Variants in HBS1L observed in about 807,000 individuals in gnomAD.
The protein encoded by HBS1L is HBS1-like protein.
In HBS1L, 55 loss-of-function variants were observed where a neutral mutation model predicts 88.9. The ratio of observed to expected loss-of-function variants is 0.62; its 90% CI spans 0.50 to 0.77. The LOEUF is 0.77. HBS1L is among the 30% of genes least tolerant of loss of function. HBS1L has a pLI of 0.00. For synonymous variants in HBS1L, 267 were observed against 288.5 expected (o/e 0.93, Z 0.76); for missense variants, 741 against 829.3 (o/e 0.89, Z 1.31).
chr6:135,053,688 C>T lies in HBS1L; in HGVS notation c.43+961G>A, dbSNP rs375130510. On this transcript the variant is annotated intron_variant, in intron 1 of 17. Transcript: ENST00000367837. ...CATACTGATGTTCTATAATAATCTA[C>T]TGGGGTGCCAATGACAATCACCAAC... Among the ~76,000 whole-genome samples, 13 of 152,362 alleles carry T rather than the reference C, an allele frequency of 8.5e-5. 1 individual carries two copies. The East Asian group carries it at 2.5e-3, about 29-fold the overall frequency.
Position 135,054,576 on chromosome 6 carries a change from A to T in HBS1L, c.43+73T>A, listed in dbSNP as rs549982733. ...ACACTGACGAGAAACTCACAGATTG[A>T]AGTGGATGCCAACGGGCTAGGATCC... On this transcript the variant is annotated intron_variant, in intron 1 of 17. Transcript: ENST00000367837. 2.6e-6 allele frequency: 4 copies of T among 1,544,232 alleles called. No individual in the cohort carries two copies. In the South Asian group the frequency reaches 4.5e-5, roughly 18 times the overall value.
At chr6:135,035,114 T>C (rs1776494979) in intron 4 of HBS1L, among the ~76,000 whole-genome samples, 1 of 152,184 alleles carries the variant, frequency 6.6e-6, no homozygotes. Flanking sequence ...GGCACACAAC[T>C]GTCAGTAGCA....
At chr6:134,973,700 C>T (rs1465265976) in intron 15 of HBS1L, among the ~76,000 whole-genome samples, 1 of 151,998 alleles carries the variant, frequency 6.6e-6, no homozygotes, top group Admixed American at 6.6e-5. Context: ...ACCTGTAGTC[C>T]CAGCTACTCG....
chr6:135,005,039 T>C (rs1168885799), intron 4 of HBS1L, among the ~76,000 whole-genome samples: 1 of 152,130 alleles, frequency 6.6e-6, no homozygotes, highest in African/African-American at 2.4e-5. Flanking sequence ...TGTTATGGAG[T>C]TGGCATTACC....
rs1180215865 is a variant in HBS1L, at chr6:134,963,960, T to C, written c.*1319A>G. ...TAATATTAATATTTAAATAAAACTTTCTTAACTCAGTGAATCTGAAGTGAC... is the reference window on the plus strand; with the variant it reads ...TAATATTAATATTTAAATAAAACTTCCTTAACTCAGTGAATCTGAAGTGAC... On this transcript the variant is annotated 3_prime_UTR_variant, in exon 18 of 18. Coordinates refer to ENST00000367837, the MANE Select transcript of HBS1L (RefSeq NM_006620.4). 6.6e-6 allele frequency: 1 copy of C among 152,222 alleles called. No homozygotes were observed. The highest frequency in any genetic ancestry group is 1.5e-5 in the Non-Finnish European group (1 of 68,044). The allele number at this position is 152,222 out of a possible 1,614,324, so 9.4% of individuals were successfully genotyped here. A position where few individuals can be genotyped will look rare whatever the true frequency, so the allele number is the denominator to read the frequency against.
chr6:134,991,827 T>G (rs1464090144), intron 8 of HBS1L, among the ~76,000 whole-genome samples: 1 of 152,192 alleles, frequency 6.6e-6, no homozygotes, highest in African/African-American at 2.4e-5. Flanking sequence ...CCCAACACTT[T>G]GGGAGGCTGA....
intron 17 of HBS1L, among the ~76,000 whole-genome samples, chr6:134,966,001 T>C (rs1774303129): frequency 1.3e-5 from 2 of 152,156 alleles, no homozygotes. Flanking sequence ...TTAATTATGA[T>C]AGTGTAGAAG....
At chr6:135,042,252 G>T (rs1301867302) in intron 2 of HBS1L, 126 bp from the exon 3 acceptor site, 2 of 762,064 alleles carry the variant, frequency 2.6e-6, no homozygotes, top group African/African-American at 3.5e-5. Context: ...TTTCATAAGG[G>T]ATGAAAACAA....
Position 135,039,570 on chromosome 6 carries a change from T to C in HBS1L, c.430+3A>G. ...AAGTGAAAAAGAACAAGTAAAGGCA[T>C]ACCTTTTGCTATCTTTCCTGTAGAT... On this transcript the variant is annotated splice_donor_region_variant and intron_variant, in intron 4 of 17. Transcript: ENST00000367837. 1.9e-6 allele frequency: 3 copies of C among 1,612,028 alleles called. No homozygotes were observed. Among genetic ancestry groups the C allele is most frequent in the Non-Finnish European group, 2.5e-6 (3 of 1,178,766 alleles).
At position 134,961,252 on chromosome 6, in the gene HBS1L, T is replaced by G. The variant is rs1207086354; in HGVS notation, c.*4027A>C. 1 of 152,174 alleles carries G rather than the reference T, an allele frequency of 6.6e-6. No homozygotes were observed. The highest frequency in any genetic ancestry group is 1.5e-5 in the Non-Finnish European group (1 of 68,022). The allele number at this position is 152,174 out of a possible 1,614,324, so 9.4% of individuals were successfully genotyped here. A position where few individuals can be genotyped will look rare whatever the true frequency, so the allele number is the denominator to read the frequency against. On this transcript the variant is annotated 3_prime_UTR_variant, in exon 18 of 18. Coordinates refer to ENST00000367837, the MANE Select transcript of HBS1L (RefSeq NM_006620.4). ...TAACTTAATGCTTTTCTTTCCCTAT[T>G]TCATATCCCCATATTTGGTGCAATA... is the stretch of plus-strand genomic sequence containing the variant.
At chr6:135,042,433 T>C (rs1776769035) in intron 2 of HBS1L, among the ~76,000 whole-genome samples, 2 of 152,150 alleles carry the variant, frequency 1.3e-5, no homozygotes, top group South Asian at 4.1e-4. Context: ...CTTCTTTGTA[T>C]ACTATTCTGT....
intron 4 of HBS1L, among the ~76,000 whole-genome samples, chr6:135,038,747 C>T (rs1284854145): frequency 6.6e-6 from 1 of 152,012 alleles, no homozygotes; most frequent in African/African-American, 2.4e-5. Flanking sequence ...AATTTAACCC[C>T]AAATTTTACA....
intron 4 of HBS1L, among the ~76,000 whole-genome samples, chr6:135,016,093 C>A (rs1355991709): frequency 2.0e-5 from 3 of 151,990 alleles, no homozygotes; most frequent in Admixed American, 2.0e-4. Flanking sequence ...ACCATGTTGG[C>A]CAGGCTGGTC....
At chr6:135,033,715 AT>A (rs1776452084) in intron 4 of HBS1L, among the ~76,000 whole-genome samples, 1 of 152,220 alleles carries the variant, frequency 6.6e-6, no homozygotes. Context: ...AAAGTATTGC[AT>A]TTCCACTTGA....
Position 135,002,847 on chromosome 6 carries a change from T to G in HBS1L, c.431-5A>C. 6.3e-7 allele frequency: 1 copy of G among 1,591,730 alleles called. No homozygotes were observed. Among genetic ancestry groups the G allele is most frequent in the Non-Finnish European group, 8.6e-7 (1 of 1,160,220 alleles). On this transcript the variant is annotated splice_polypyrimidine_tract_variant and splice_region_variant and intron_variant, in intron 4 of 17. Transcript: ENST00000367837. ...TCTGGGAATCTACTGGTTTTCCTAG[T>G]TAAGGAGTAAAATATAAAAGGCCAA...
chr6:135,051,408 C>A (rs1424789307), intron 1 of HBS1L, among the ~76,000 whole-genome samples: 1 of 152,118 alleles, frequency 6.6e-6, no homozygotes, highest in Admixed American at 6.5e-5. Context: ...TAGGTAACAT[C>A]TATACAAACC....
chr6:135,020,530 C>T (rs1308736302), intron 4 of HBS1L, among the ~76,000 whole-genome samples: 1 of 151,998 alleles, frequency 6.6e-6, no homozygotes, highest in African/African-American at 2.4e-5. Context: ...CTTTTATCCA[C>T]TGTCAATGAA....
chr6:135,034,431 G>A (rs1776471902), intron 4 of HBS1L, among the ~76,000 whole-genome samples: 1 of 152,150 alleles, frequency 6.6e-6, no homozygotes, highest in African/African-American at 2.4e-5. Flanking sequence ...ATCATCTGAG[G>A]TCAGGAGTTT....
At chr6:134,997,256 C>CT (rs1267949143) in intron 6 of HBS1L, 141 bp downstream of exon 6, 1 of 952,750 alleles carries the variant, frequency 1.0e-6, no homozygotes, top group African/African-American at 1.6e-5. Context: ...CCCCACATGA[C>CT]TAGAAAGCAT....
Sources: allele counts gnomAD v4.1 joint callset (sites outside exome capture counted in the v4.1 genomes callset), GRCh38; gene constraint gnomAD v4.1.1; transcripts MANE v1.5; gene names NCBI Gene and HGNC (gene_info 2026-07-23, HGNC 2026-07-21).